The following CCDC71L variants were observed in gnomAD, a reference collection of about 807,000 sequenced individuals.
CCDC71L encodes coiled-coil domain-containing protein 71L.
CCDC71L carries 6 observed loss-of-function variants against 10.2 expected under a neutral mutation model. The ratio of observed to expected loss-of-function variants is 0.59; its 90% confidence interval spans 0.32 to 1.16. CCDC71L has a LOEUF of 1.16. Ranked by LOEUF, CCDC71L falls within the 50% of genes most tolerant of loss-of-function variation. The probability of loss-of-function intolerance (pLI) is 0.05; values close to 1 mark genes in which losing one functional copy is unlikely to be tolerated. For missense variants in CCDC71L, 366 were observed against 383.4 expected (o/e 0.95, Z 0.38); for synonymous variants, 204 against 175.5 (o/e 1.16, Z -1.28).
Position 106,660,091 on chromosome 7 carries a change from C to T in CCDC71L, c.*98G>A, listed in dbSNP as rs1363707116. 3.2e-5 allele frequency: 44 copies of T among 1,369,800 alleles called. No homozygotes were observed. The East Asian group carries it at 1.2e-3, about 37-fold the overall frequency. The allele number at this position is 1,369,800 out of a possible 1,614,324, so 84.9% of individuals were successfully genotyped here. On this transcript the variant is annotated 3_prime_UTR_variant, in exon 1 of 1. Transcript: ENST00000523505. The surrounding 1 kb of genome is among the most constrained non-coding windows in gnomAD (Gnocchi z 7.5). ...AGTGCATTGGGGGCCGGGGTCCTGG[C>T]CGGATCTGTAAACACTCGACTGACA... is the stretch of plus-strand genomic sequence containing the variant.
At position 106,656,993 on chromosome 7, in the gene CCDC71L, T is replaced by G. The variant is rs1042281458; in HGVS notation, c.*3196A>C. On this transcript the variant is annotated 3_prime_UTR_variant, in exon 1 of 1. Coordinates refer to ENST00000523505, the MANE Select transcript of CCDC71L (RefSeq NM_175884.6). Reference sequence around the variant, plus strand: ...CATTAAAAACCATTAAAGAGTCCTGTGGCAATCCTTAAAACAATGAAAAAC... The same window carrying G: ...CATTAAAAACCATTAAAGAGTCCTGGGGCAATCCTTAAAACAATGAAAAAC... 2 of 152,210 alleles carry G rather than the reference T, an allele frequency of 1.3e-5. No homozygotes were observed. The highest frequency in any genetic ancestry group is 4.8e-5 in the African/African-American group (2 of 41,458). The allele number at this position is 152,210 out of a possible 1,614,324, so 9.4% of individuals were successfully genotyped here.
chr7:106,661,068 GC>G lies in CCDC71L; in HGVS notation c.-173del. 1.0e-6 allele frequency: 1 copy of G among 996,546 alleles called. No individual in the cohort carries two copies. The highest frequency in any genetic ancestry group is 1.3e-6 in the Non-Finnish European group (1 of 750,590). 61.7% of individuals were successfully genotyped at this position (996,546 alleles called of 1,614,324 possible). A position where few individuals can be genotyped will look rare whatever the true frequency, so the allele number is the denominator to read the frequency against. ...GGAGGACGCGGGCGAATATCCTGCT[GC>G]CCGGTACAAGATGGCGGCCGGCGCC... On this transcript the variant is annotated 5_prime_UTR_variant, in exon 1 of 1. An upstream open reading frame in the 5' UTR loses its in-frame stop. Coordinates refer to ENST00000523505, the MANE Select transcript of CCDC71L (RefSeq NM_175884.6).
chr7:106,660,867 G>C lies in CCDC71L; in HGVS notation c.30C>G (p.Arg10=). Residue 10 remains arginine, a synonymous_variant, in exon 1 of 1, where the codon CGC becomes CGG. Coordinates refer to ENST00000523505, the MANE Select transcript of CCDC71L (RefSeq NM_175884.6). This position sits in a 1 kb window ranked among gnomAD's most constrained non-coding sequence, Gnocchi z 7.5. The part of the protein sequence containing the change: MRRSMKRRR[R]RRPVAPATAA... ...CCGTGGCCGGGGCGACCGGGCGCCG[G>C]CGCCGCCGCCTCTTCATACTGCGCC... 1 of 1,463,330 alleles carries C rather than the reference G, an allele frequency of 6.8e-7. No homozygotes were observed. Among genetic ancestry groups the C allele is most frequent in the South Asian group, 1.4e-5 (1 of 71,712 alleles). The allele number at this position is 1,463,330 out of a possible 1,614,324, so 90.6% of individuals were successfully genotyped here.
Position 106,659,616 on chromosome 7 carries a change from C to T in CCDC71L, c.*573G>A, listed in dbSNP as rs768337583. On this transcript the variant is annotated 3_prime_UTR_variant, in exon 1 of 1. Transcript: ENST00000523505. ...GCTTGAACCTCTTAAAAAATATCCTCGATCAAAGCTTTGGAATCCAGTAAA... is the reference window on the plus strand; with the variant it reads ...GCTTGAACCTCTTAAAAAATATCCTTGATCAAAGCTTTGGAATCCAGTAAA... 2 of 152,606 alleles carry T rather than the reference C, an allele frequency of 1.3e-5. No individual in the cohort carries two copies. Among genetic ancestry groups the T allele is most frequent in the African/African-American group, 2.4e-5 (1 of 41,420 alleles). 9.5% of individuals were successfully genotyped at this position (152,606 alleles called of 1,614,324 possible).
At position 106,657,916 on chromosome 7, in the gene CCDC71L, G is replaced by A. The variant is rs1385898316; in HGVS notation, c.*2273C>T. On this transcript the variant is annotated 3_prime_UTR_variant, in exon 1 of 1. Transcript: ENST00000523505. ...CAGTTAAAATAAATGAATGGTGTCA[G>A]TGGTTATGTTTCAGTGGTGTGCTGA... is the stretch of plus-strand genomic sequence containing the variant. 6.6e-6 allele frequency: 1 copy of A among 152,196 alleles called. No individual in the cohort carries two copies. Among genetic ancestry groups the A allele is most frequent in the African/African-American group, 2.4e-5 (1 of 41,442 alleles). The allele number at this position is 152,196 out of a possible 1,614,324, so 9.4% of individuals were successfully genotyped here. A position where few individuals can be genotyped will look rare whatever the true frequency, so the allele number is the denominator to read the frequency against.
rs1227296631 is a variant in CCDC71L, at chr7:106,656,092, G to C, written c.*4097C>G. ...TCACTAATCACATTTGATAGTTGAGGAAGCAAGGCACAAAGATTTTAAGTA... is the reference window on the plus strand; with the variant it reads ...TCACTAATCACATTTGATAGTTGAGCAAGCAAGGCACAAAGATTTTAAGTA... On this transcript the variant is annotated 3_prime_UTR_variant, in exon 1 of 1. Coordinates refer to ENST00000523505, the MANE Select transcript of CCDC71L (RefSeq NM_175884.6). 6.6e-6 allele frequency among the ~76,000 whole-genome samples: 1 copy of C among 152,142 alleles called. No individual in the cohort carries two copies. The highest frequency in any genetic ancestry group is 1.5e-5 in the Non-Finnish European group (1 of 68,004).
Position 106,660,251 on chromosome 7 carries a change from C to T in CCDC71L, c.646G>A (p.Val216Ile), listed in dbSNP as rs765941322. The T allele has an allele frequency of 7.6e-6, 12 of 1,574,394 alleles. No homozygotes were observed. Among genetic ancestry groups the T allele is most frequent in the African/African-American group, 2.8e-5 (2 of 71,864 alleles). The change falls in exon 1 of 1, where the codon GTC becomes ATC. Residue 216 changes from valine (V) to isoleucine (I), a missense_variant. Transcript: ENST00000523505. This position sits in a 1 kb window ranked among gnomAD's most constrained non-coding sequence, Gnocchi z 7.5. The stretch of plus-strand genomic sequence containing the variant: ...ATGGGTTCCAGGTTCACTCGCAGGA[C>T]CTGGCGCGCCCTGCGCCGCGCTGCC... ...LAAARRRARQ[V>I]LRVNLEPMVR...
rs1584307308 is a variant in CCDC71L, at chr7:106,659,167, AT to A, written c.*1021del. ...CATCCATCTCTCCTATGCAACTCCC[AT>A]TTTAAAATACATTATCCTTGTAAAA... On this transcript the variant is annotated 3_prime_UTR_variant, in exon 1 of 1. Coordinates refer to ENST00000523505, the MANE Select transcript of CCDC71L (RefSeq NM_175884.6). 6.6e-6 allele frequency: 1 copy of A among 152,160 alleles called. No individual in the cohort carries two copies. The highest frequency in any genetic ancestry group is 2.4e-5 in the African/African-American group (1 of 41,430). 9.4% of individuals were successfully genotyped at this position (152,160 alleles called of 1,614,324 possible).
In CCDC71L at chr7:106,660,196, C is replaced by A; in HGVS notation, c.701G>T (p.Arg234Leu). 6.4e-7 allele frequency: 1 copy of A among 1,561,076 alleles called. No homozygotes were observed. Among genetic ancestry groups the A allele is most frequent in the Non-Finnish European group, 8.6e-7 (1 of 1,163,590 alleles). ...MVRLRRFPVPRA is the reference protein window; with the variant it reads ...MVRLRRFPVPLA ...CGCCCTGGAGGCCGCACCTCATGCC[C>A]GGGGCACCGGGAAGCGGCGGAGCCT... The change falls in exon 1 of 1, where the codon CGG becomes CTG. Residue 234 changes from arginine (R) to leucine (L), a missense_variant. By Grantham distance (102) the Arg-to-Leu change is moderately radical. Transcript: ENST00000523505. The surrounding 1 kb of genome is among the most constrained non-coding windows in gnomAD (Gnocchi z 7.5).
chr7:106,660,438 C>T lies in CCDC71L; in HGVS notation c.459G>A (p.Pro153=). The change falls in exon 1 of 1, where the codon CCG becomes CCA. Residue 153 remains proline (P), a synonymous_variant. Coordinates refer to ENST00000523505, the MANE Select transcript of CCDC71L (RefSeq NM_175884.6). The surrounding 1 kb of genome is among the most constrained non-coding windows in gnomAD (Gnocchi z 7.5). ...RRRKPRPPPP[P]PPPPEESCPA... The stretch of plus-strand genomic sequence containing the variant: ...GGCAGCTCTCCTCGGGGGGCGGCGG[C>T]GGTGGGGGTGGCGGCCGGGGCTTCC... 8.7e-7 allele frequency: 1 copy of T among 1,154,124 alleles called. No individual in the cohort carries two copies. The highest frequency in any genetic ancestry group is 3.4e-4 in the Middle Eastern group (1 of 2,964). The allele number at this position is 1,154,124 out of a possible 1,614,324, so 71.5% of individuals were successfully genotyped here. A position where few individuals can be genotyped will look rare whatever the true frequency, so the allele number is the denominator to read the frequency against.
rs1270308915 is a variant in CCDC71L, at chr7:106,654,721, T to A, written c.*5468A>T. ...AGGGGTACTCATAACTGTATTTTTT[T>A]AATCTGAGTGCTAGTTCCATGAGCC... On this transcript the variant is annotated 3_prime_UTR_variant, in exon 1 of 1. Transcript: ENST00000523505. Among the ~76,000 whole-genome samples the A allele has an allele frequency of 1.3e-5, 2 of 152,148 alleles. No homozygotes were observed. Among genetic ancestry groups the A allele is most frequent in the East Asian group, 1.9e-4 (1 of 5,200 alleles).
At position 106,660,106 on chromosome 7, in the gene CCDC71L, C is replaced by G. The variant is rs897389448; in HGVS notation, c.*83G>C. 1 of 1,405,896 alleles carries G rather than the reference C, an allele frequency of 7.1e-7. No homozygotes were observed. Among genetic ancestry groups the G allele is most frequent in the Non-Finnish European group, 9.2e-7 (1 of 1,086,254 alleles). 87.1% of individuals were successfully genotyped at this position (1,405,896 alleles called of 1,614,324 possible). A position where few individuals can be genotyped will look rare whatever the true frequency, so the allele number is the denominator to read the frequency against. On this transcript the variant is annotated 3_prime_UTR_variant, in exon 1 of 1. Transcript: ENST00000523505. This position sits in a 1 kb window ranked among gnomAD's most constrained non-coding sequence, Gnocchi z 7.5. Reference sequence around the variant, plus strand: ...GGGGTCCTGGCCGGATCTGTAAACACTCGACTGACACTTGTTCATTCCTCC... The same window carrying G: ...GGGGTCCTGGCCGGATCTGTAAACAGTCGACTGACACTTGTTCATTCCTCC...
chr7:106,657,897 A>C lies in CCDC71L; in HGVS notation c.*2292T>G, dbSNP rs1290120336. On this transcript the variant is annotated 3_prime_UTR_variant, in exon 1 of 1. Coordinates refer to ENST00000523505, the MANE Select transcript of CCDC71L (RefSeq NM_175884.6). Reference sequence around the variant, plus strand: ...AGAAAAATGTCAAGAATCTCAGTTAAAATAAATGAATGGTGTCAGTGGTTA... The same window carrying C: ...AGAAAAATGTCAAGAATCTCAGTTACAATAAATGAATGGTGTCAGTGGTTA... 3 of 152,200 alleles carry C rather than the reference A, an allele frequency of 2.0e-5. No homozygotes were observed. The highest frequency in any genetic ancestry group is 2.9e-5 in the Non-Finnish European group (2 of 68,030). The allele number at this position is 152,200 out of a possible 1,614,324, so 9.4% of individuals were successfully genotyped here.
Position 106,658,984 on chromosome 7 carries a change from T to C in CCDC71L, c.*1205A>G, listed in dbSNP as rs1792539028. On this transcript the variant is annotated 3_prime_UTR_variant, in exon 1 of 1. Coordinates refer to ENST00000523505, the MANE Select transcript of CCDC71L (RefSeq NM_175884.6). The stretch of plus-strand genomic sequence containing the variant: ...TGAATATTAGTCTAGACATTTCTTG[T>C]TATCCAACAACAAAAACAAAAAGGA... The C allele has an allele frequency of 1.3e-5, 2 of 152,208 alleles. No homozygotes were observed. Among genetic ancestry groups the C allele is most frequent in the Admixed American group, 1.3e-4 (2 of 15,280 alleles). 9.4% of individuals were successfully genotyped at this position (152,208 alleles called of 1,614,324 possible).
Position 106,660,094 on chromosome 7 carries a change from G to C in CCDC71L, c.*95C>G. ...GCATTGGGGGCCGGGGTCCTGGCCG[G>C]ATCTGTAAACACTCGACTGACACTT... On this transcript the variant is annotated 3_prime_UTR_variant, in exon 1 of 1. Transcript: ENST00000523505. This position sits in a 1 kb window ranked among gnomAD's most constrained non-coding sequence, Gnocchi z 7.5. The C allele has an allele frequency of 2.2e-6, 3 of 1,376,644 alleles. No individual in the cohort carries two copies. The highest frequency in any genetic ancestry group is 2.8e-6 in the Non-Finnish European group (3 of 1,065,288). The allele number at this position is 1,376,644 out of a possible 1,614,324, so 85.3% of individuals were successfully genotyped here. A position where few individuals can be genotyped will look rare whatever the true frequency, so the allele number is the denominator to read the frequency against.
Position 106,656,017 on chromosome 7 carries a change from C to A in CCDC71L, c.*4172G>T, listed in dbSNP as rs1792485018. On this transcript the variant is annotated 3_prime_UTR_variant, in exon 1 of 1. Coordinates refer to ENST00000523505, the MANE Select transcript of CCDC71L (RefSeq NM_175884.6). ...ACTTCCTATGTGTCTAGCATTACTA[C>A]CCTTTGAAAGGGGTAGTTATTAATC... Among the ~76,000 whole-genome samples, 1 of 152,164 alleles carries A rather than the reference C, an allele frequency of 6.6e-6. No individual in the cohort carries two copies. The highest frequency in any genetic ancestry group is 1.5e-5 in the Non-Finnish European group (1 of 68,016).
At position 106,655,963 on chromosome 7, in the gene CCDC71L, A is replaced by G. The variant is rs753299946; in HGVS notation, c.*4226T>C. ...GCTTATATACCTATTCTCACTGTGC[A>G]TACCTATAATTAAGAGCATTTATTT... is the stretch of plus-strand genomic sequence containing the variant. On this transcript the variant is annotated 3_prime_UTR_variant, in exon 1 of 1. Coordinates refer to ENST00000523505, the MANE Select transcript of CCDC71L (RefSeq NM_175884.6). Among the ~76,000 whole-genome samples the G allele has an allele frequency of 1.3e-5, 2 of 152,216 alleles. No homozygotes were observed. Among genetic ancestry groups the G allele is most frequent in the Non-Finnish European group, 2.9e-5 (2 of 68,026 alleles).
chr7:106,660,410 C>G lies in CCDC71L; in HGVS notation c.487G>C (p.Ala163Pro), dbSNP rs1357972026. The change falls in exon 1 of 1, where the codon GCC (alanine) becomes CCC (proline). Residue 163 changes from alanine (A) to proline (P), a missense_variant. Ala to Pro is a conservative substitution (Grantham distance 27, BLOSUM62 -1). Coordinates refer to ENST00000523505, the MANE Select transcript of CCDC71L (RefSeq NM_175884.6). This position sits in a 1 kb window ranked among gnomAD's most constrained non-coding sequence, Gnocchi z 7.5. ...CAGGGCCCGGGGGCCACGGGCTTGG[C>G]CGGGCAGCTCTCCTCGGGGGGCGGC... is the stretch of plus-strand genomic sequence containing the variant. ...PPPPPEESCP[A>P]KPVAPGPCFG... The G allele has an allele frequency of 3.9e-6, 5 of 1,274,826 alleles. No individual in the cohort carries two copies. Among genetic ancestry groups the G allele is most frequent in the Non-Finnish European group, 4.9e-6 (5 of 1,011,598 alleles). 79.0% of individuals were successfully genotyped at this position (1,274,826 alleles called of 1,614,324 possible).
In CCDC71L at chr7:106,655,563, G is replaced by A. The variant is rs114278489; in HGVS notation, c.*4626C>T. Among the ~76,000 whole-genome samples, 564 of 152,168 alleles carry A rather than the reference G, an allele frequency of 3.7e-3. 7 individuals carry two copies. The highest frequency in any genetic ancestry group is 0.013 in the African/African-American group (534 of 41,514). On this transcript the variant is annotated 3_prime_UTR_variant, in exon 1 of 1. Coordinates refer to ENST00000523505, the MANE Select transcript of CCDC71L (RefSeq NM_175884.6). ...ATCATTTATAAGCAACACTTACTGA[G>A]CTTACTCTAAGCAAATATGTAGTCC...
Sources: gnomAD v4.1 joint callset for allele counts (sites outside exome capture counted in the v4.1 genomes callset) on GRCh38, gnomAD v4.1.1 for gene constraint, Gnocchi (gnomAD v3.1) non-coding constraint, MANE v1.5 for transcripts, NCBI Gene and HGNC (gene_info 2026-07-23, HGNC 2026-07-21) for gene names.